Variants in ZBTB7C observed in about 807,000 individuals in gnomAD.
ZBTB7C encodes zinc finger and BTB domain containing 7C, also known as zinc finger and BTB domain-containing protein 7C.
Under a neutral mutation model 25.7 loss-of-function variants are expected in ZBTB7C, and 8 were observed. The ratio of observed to expected loss-of-function variants is 0.31; its 90% CI spans 0.18 to 0.56. The LOEUF is 0.56. ZBTB7C is among the 20% of genes least tolerant of loss of function. ZBTB7C has a pLI of 0.91. For synonymous variants in ZBTB7C, 394 were observed against 369.0 expected (o/e 1.07, Z -0.78); for missense variants, 824 against 855.2 (o/e 0.96, Z 0.46).
intron 2 of ZBTB7C, among the ~76,000 whole-genome samples, chr18:48,227,730 G>A (rs1253286931): frequency 1.3e-5 from 2 of 152,130 alleles, no homozygotes; most frequent in Non-Finnish European, 2.9e-5. Context: ...GGAGATTGCT[G>A]GACTAGTCTT....
chr18:48,293,678 T>C (rs2045302025), intron 2 of ZBTB7C, among the ~76,000 whole-genome samples: 2 of 151,522 alleles, frequency 1.3e-5, no homozygotes, highest in South Asian at 4.2e-4. Flanking sequence ...GGACCAAAAA[T>C]GGGGGTAAGA....
At chr18:48,270,322 A>G (rs968287929) in intron 2 of ZBTB7C, among the ~76,000 whole-genome samples, 11 of 130,368 alleles carry the variant, frequency 8.4e-5, no homozygotes, top group African/African-American at 3.3e-4. Flanking sequence ...CAGTGGTGCG[A>G]TCTCAGCTCA....
At position 48,029,104 on chromosome 18, in the gene ZBTB7C, G is replaced by A. The variant is rs541081527; in HGVS notation, c.*156C>T. On this transcript the variant is annotated 3_prime_UTR_variant, in exon 5 of 5. Transcript: ENST00000590800. ...GCAAAAGGAGGCAGCTGCTTTAGGA[G>A]CCCGGGAAAATGCCATCACTGATAG... The A allele has an allele frequency of 8.9e-7, 1 of 1,129,084 alleles. No homozygotes were observed. 69.9% of individuals were successfully genotyped at this position (1,129,084 alleles called of 1,614,324 possible).
At chr18:48,155,358 C>T (rs1165310428) in intron 3 of ZBTB7C, among the ~76,000 whole-genome samples, 4 of 115,306 alleles carry the variant, frequency 3.5e-5, no homozygotes, top group African/African-American at 9.8e-5. Context: ...GACAGAGTCT[C>T]ACTCTATCGC....
chr18:48,063,936 G>A (rs116136027), intron 3 of ZBTB7C, among the ~76,000 whole-genome samples: 8,805 of 151,864 alleles, frequency 0.058, 720 homozygotes, highest in African/African-American at 0.18. Flanking sequence ...TTATTAATAA[G>A]GACAGTGACA....
At chr18:48,035,838 T>C (rs2035948009) in intron 4 of ZBTB7C, among the ~76,000 whole-genome samples, 1 of 152,266 alleles carries the variant, frequency 6.6e-6, no homozygotes, top group Non-Finnish European at 1.5e-5. Context: ...AAAGGATTCC[T>C]GATGAAGAGG....
intron 1 of ZBTB7C, among the ~76,000 whole-genome samples, chr18:48,348,441 C>A (rs1568391000): frequency 6.6e-6 from 1 of 152,238 alleles, no homozygotes. Flanking sequence ...CACTTCCCTG[C>A]AGTCCACAGT....
At chr18:48,041,207 C>T (rs2036229454) in intron 3 of ZBTB7C, 84 bp from the exon 4 acceptor site, 7 of 1,472,664 alleles carry the variant, frequency 4.8e-6, no homozygotes, top group Non-Finnish European at 5.4e-6. Flanking sequence ...GAGCCACCTC[C>T]TTGGCATAAG....
At chr18:48,053,250 C>T (rs79575701) in intron 3 of ZBTB7C, among the ~76,000 whole-genome samples, 2 of 152,128 alleles carry the variant, frequency 1.3e-5, no homozygotes, top group East Asian at 1.9e-4. Context: ...TGGGAGCGGC[C>T]GCTTCTGCAG....
chr18:48,347,625 G>C (rs1014139874), intron 1 of ZBTB7C, among the ~76,000 whole-genome samples: 1 of 152,146 alleles, frequency 6.6e-6, no homozygotes, highest in East Asian at 1.9e-4. Flanking sequence ...GGGGTGGGCA[G>C]CCTCTTCCCT....
intron 3 of ZBTB7C, among the ~76,000 whole-genome samples, chr18:48,048,934 C>T (rs1308043484): frequency 6.6e-6 from 1 of 152,094 alleles, no homozygotes; most frequent in Non-Finnish European, 1.5e-5. Flanking sequence ...GAAAATTAGG[C>T]ACAGAACGAA....
Position 48,045,532 on chromosome 18 carries a change from T to C in ZBTB7C, c.-16-4409A>G, listed in dbSNP as rs1460711585. On this transcript the variant is annotated intron_variant, in intron 3 of 4. Transcript: ENST00000590800. ...AAATGTACCTTTGAAGCCCCTACTC[T>C]CCAATCCCTAAACACACACCCTGTT... 4.6e-5 allele frequency among the ~76,000 whole-genome samples: 7 copies of C among 152,220 alleles called. No homozygotes were observed. The East Asian group carries it at 1.3e-3, about 29-fold the overall frequency.
chr18:48,145,685 G>A (rs563588680), intron 3 of ZBTB7C, among the ~76,000 whole-genome samples: 4 of 152,298 alleles, frequency 2.6e-5, no homozygotes, highest in African/African-American at 7.2e-5. Flanking sequence ...CCCTGTTTAC[G>A]TAACTCATGG....
Position 48,078,692 on chromosome 18 carries a change from A to AC in ZBTB7C, c.-16-37570dup, listed in dbSNP as rs112174697. On this transcript the variant is annotated intron_variant, in intron 3 of 4. Transcript: ENST00000590800. ...TTTCCAAAGCAGAGAAGATGCAAGA[A>AC]CCCATAGGCAGGTAGCAGGGTGGGG... Among the ~76,000 whole-genome samples the AC allele has an allele frequency of 2.6e-3, 393 of 152,198 alleles. 3 individuals are homozygous for AC. In the South Asian group the frequency reaches 0.033, roughly 13 times the overall value.
chr18:48,387,401 G>A (rs190175923), intron 1 of ZBTB7C, among the ~76,000 whole-genome samples: 1 of 152,312 alleles, frequency 6.6e-6, no homozygotes, highest in East Asian at 1.9e-4. Flanking sequence ...TGCTCAAAAT[G>A]AATGGGGTTT....
In ZBTB7C at chr18:48,103,830, GCCA is replaced by G. The variant is rs565372973; in HGVS notation, c.-16-62710_-16-62708del. ...TCATTATGCTAAGTGAAAGAGGCCA[GCCA>G]CCAAGGACCACATATTATATGATTC... On this transcript the variant is annotated intron_variant, in intron 3 of 4. Coordinates refer to ENST00000590800, the MANE Select transcript of ZBTB7C (RefSeq NM_001318841.2). Among the ~76,000 whole-genome samples the G allele has an allele frequency of 8.7e-4, 133 of 152,094 alleles. 1 individual carries two copies. The highest frequency in any genetic ancestry group is 3.1e-3 in the African/African-American group (130 of 41,386).
intron 1 of ZBTB7C, among the ~76,000 whole-genome samples, chr18:48,388,433 G>C (rs903808480): frequency 5.3e-5 from 8 of 152,170 alleles, no homozygotes; most frequent in African/African-American, 1.9e-4. Context: ...GCACCTAGCA[G>C]TGTGTTGGGT....
intron 3 of ZBTB7C, among the ~76,000 whole-genome samples, chr18:48,103,825 GGCCA>G (rs1356537604): frequency 6.6e-6 from 1 of 152,142 alleles, no homozygotes; most frequent in African/African-American, 2.4e-5. Flanking sequence ...AAGTGAAAGA[GGCCA>G]GCCACCAAGG....
chr18:48,324,267 G>T (rs1204799754), intron 2 of ZBTB7C, among the ~76,000 whole-genome samples: 3 of 152,142 alleles, frequency 2.0e-5, no homozygotes, highest in Non-Finnish European at 4.4e-5. Context: ...CCCTCTGATG[G>T]GTGAGCTGGA....
Sources: allele counts gnomAD v4.1 joint callset (sites outside exome capture counted in the v4.1 genomes callset), GRCh38; gene constraint gnomAD v4.1.1; transcripts MANE v1.5; gene names NCBI Gene and HGNC (gene_info 2026-07-23, HGNC 2026-07-21).